Variants in CYTH3 observed in about 807,000 individuals in gnomAD.
CYTH3 encodes the protein cytohesin 3.
Under a neutral mutation model 55.1 loss-of-function variants are expected in CYTH3, and 23 were observed. That is an observed-to-expected ratio of 0.42 (90% CI 0.30 to 0.59). The LOEUF is 0.59. Among genes scored for constraint, CYTH3 ranks in the 20% least tolerant of loss-of-function variants. The pLI, the probability that CYTH3 is intolerant of heterozygous loss-of-function variation, is 0.20. For missense variants in CYTH3, 413 were observed against 524.8 expected (o/e 0.79, Z 2.08); for synonymous variants, 249 against 194.9 (o/e 1.28, Z -2.31).
rs919282058 is a variant in CYTH3, at chr7:6,255,765, T to G, written c.34+16709A>C. Among the ~76,000 whole-genome samples, 13 of 143,640 alleles carry G rather than the reference T, an allele frequency of 9.1e-5. No homozygotes were observed. The East Asian group carries it at 1.0e-3, about 11-fold the overall frequency. 94.2% of individuals were successfully genotyped at this position (143,640 alleles called of 152,430 possible). ...AAGTTTGACCTTTAATCTGTTTTTTTTTTTTTTTTTTTTTTTGAGATGGAA... is the reference window on the plus strand; with the variant it reads ...AAGTTTGACCTTTAATCTGTTTTTTGTTTTTTTTTTTTTTTTGAGATGGAA... On this transcript the variant is annotated intron_variant, in intron 1 of 12. Coordinates refer to ENST00000350796, the MANE Select transcript of CYTH3 (RefSeq NM_004227.4).
intron 1 of CYTH3, among the ~76,000 whole-genome samples, chr7:6,202,200 C>T (rs1005451065): frequency 3.9e-5 from 6 of 152,214 alleles, no homozygotes; most frequent in African/African-American, 1.4e-4. Context: ...CTGAGACCAC[C>T]ATGCCCTGGG....
At chr7:6,269,706 C>T (rs923832707) in intron 1 of CYTH3, among the ~76,000 whole-genome samples, 4 of 152,118 alleles carry the variant, frequency 2.6e-5, no homozygotes, top group Non-Finnish European at 2.9e-5. Flanking sequence ...TAATCTTGTG[C>T]CCCCCACTCG....
At chr7:6,186,018 G>A (rs1459625451) in intron 4 of CYTH3, among the ~76,000 whole-genome samples, 1 of 151,884 alleles carries the variant, frequency 6.6e-6, no homozygotes, top group Non-Finnish European at 1.5e-5. Context: ...GCCGAGGCGG[G>A]CGGATCATGA....
At chr7:6,182,031 G>A (rs976077130) in intron 4 of CYTH3, among the ~76,000 whole-genome samples, 1 of 151,578 alleles carries the variant, frequency 6.6e-6, no homozygotes, top group East Asian at 1.9e-4. Flanking sequence ...TTGTTTTTTT[G>A]CTTCTTCTGT....
At chr7:6,179,675 ACCACACACACCC>A (rs1783433620) in intron 4 of CYTH3, among the ~76,000 whole-genome samples, 1 of 55,364 alleles carries the variant, frequency 1.8e-5, no homozygotes, top group African/African-American at 9.8e-5. Flanking sequence ...CCACACACAC[ACCACACACACCC>A]CCCCACACAC....
In CYTH3 at chr7:6,272,602, C is replaced by G. The variant is rs1050020091; in HGVS notation, c.-95G>C. On this transcript the variant is annotated 5_prime_UTR_variant, in exon 1 of 13. Transcript: ENST00000350796. ...CGGAGGGAGCGCGCAGGCGACCGGG[C>G]GGCTCCTCAGCGCGCGGCCCGGGTC... is the stretch of plus-strand genomic sequence containing the variant. 1.0e-6 allele frequency: 1 copy of G among 995,992 alleles called. No individual in the cohort carries two copies. Among genetic ancestry groups the G allele is most frequent in the Non-Finnish European group, 1.2e-6 (1 of 816,202 alleles). 61.7% of individuals were successfully genotyped at this position (995,992 alleles called of 1,614,324 possible).
In CYTH3 at chr7:6,170,176, G is replaced by A. The variant is rs1168042528; in HGVS notation, c.823+359C>T. The A allele has an allele frequency of 1.3e-5, 3 of 232,436 alleles. No individual in the cohort carries two copies. The highest frequency in any genetic ancestry group is 1.5e-3 in the Middle Eastern group (1 of 646). 14.4% of individuals were successfully genotyped at this position (232,436 alleles called of 1,614,324 possible). ...ACAAGAAGGCACATTTAAACCACGCGTCAAAAATCACAGCCACACCAAACC... is the reference window on the plus strand; with the variant it reads ...ACAAGAAGGCACATTTAAACCACGCATCAAAAATCACAGCCACACCAAACC... On this transcript the variant is annotated intron_variant, in intron 9 of 12. Coordinates refer to ENST00000350796, the MANE Select transcript of CYTH3 (RefSeq NM_004227.4). The surrounding 1 kb of genome is among the most constrained non-coding windows in gnomAD (Gnocchi z 7.8).
chr7:6,260,677 T>G (rs1780331543), intron 1 of CYTH3, among the ~76,000 whole-genome samples: 1 of 152,174 alleles, frequency 6.6e-6, no homozygotes, highest in South Asian at 2.1e-4. Context: ...GATCGATCAC[T>G]CCTTCTCTCT....
rs559673853 is a variant in CYTH3 at position 6,224,347 on chromosome 7, C to T, written c.35-33816G>A. 3.3e-5 allele frequency among the ~76,000 whole-genome samples: 5 copies of T among 151,064 alleles called. No homozygotes were observed. In the South Asian group the frequency reaches 8.4e-4, roughly 25 times the overall value. On this transcript the variant is annotated intron_variant, in intron 1 of 12. Coordinates refer to ENST00000350796, the MANE Select transcript of CYTH3 (RefSeq NM_004227.4). ...AAAAAAAAAAAAAGATTGATGGAAC[C>T]GACTATAGAGCCTAAAAACAAAACC...
At position 6,170,546 on chromosome 7, in the gene CYTH3, A is replaced by T; in HGVS notation, c.812T>A (p.Leu271His). The change falls in exon 9 of 13, where the codon CTC becomes CAC. Residue 271 changes from leucine (L) to histidine (H), a missense_variant. Physicochemically the swap from Leu to His is moderately conservative, Grantham distance 99. Coordinates refer to ENST00000350796, the MANE Select transcript of CYTH3 (RefSeq NM_004227.4). The surrounding 1 kb of genome is among the most constrained non-coding windows in gnomAD (Gnocchi z 7.8). The stretch of plus-strand genomic sequence containing the variant: ...GGCCGGCGGCTCACCCAGCTTCAGG[A>T]GCCAGCCCTCGCGGTCGGGGTTGAA... Reference protein sequence around the residue: ...TFFNPDREGWLLKLGGRVKTW... With the variant: ...TFFNPDREGWHLKLGGRVKTW... The T allele has an allele frequency of 6.2e-7, 1 of 1,613,888 alleles. No individual in the cohort carries two copies. The highest frequency in any genetic ancestry group is 1.1e-5 in the South Asian group (1 of 91,076).
chr7:6,165,030 GAA>G lies in CYTH3; in HGVS notation c.1128-16_1128-15del. On this transcript the variant is annotated splice_polypyrimidine_tract_variant and intron_variant, in intron 12 of 12. Coordinates refer to ENST00000350796, the MANE Select transcript of CYTH3 (RefSeq NM_004227.4). ...CTGATACTGGCTCTGGTGAAAAAAG[GAA>G]AACACACAGGTTAGGTCGTGGGTGA... The G allele has an allele frequency of 1.2e-6, 2 of 1,614,164 alleles. No homozygotes were observed. Among genetic ancestry groups the G allele is most frequent in the Non-Finnish European group, 1.7e-6 (2 of 1,180,016 alleles).
chr7:6,239,243 G>C (rs1487001588), intron 1 of CYTH3, among the ~76,000 whole-genome samples: 1 of 152,096 alleles, frequency 6.6e-6, no homozygotes, highest in Non-Finnish European at 1.5e-5. Context: ...TTTGTTGAGA[G>C]GGGAGGGGAG....
chr7:6,216,861 GAAAA>G (rs71549612), intron 1 of CYTH3, among the ~76,000 whole-genome samples: 2 of 95,684 alleles, frequency 2.1e-5, no homozygotes, highest in Non-Finnish European at 4.8e-5. Context: ...AGCTGAACAG[GAAAA>G]AAAAAAAAAA....
In CYTH3 at chr7:6,167,622, C is replaced by T. The variant is rs1783052221; in HGVS notation, c.824-1812G>A. Among the ~76,000 whole-genome samples the T allele has an allele frequency of 6.6e-6, 1 of 152,256 alleles. No individual in the cohort carries two copies. Among genetic ancestry groups the T allele is most frequent in the South Asian group, 2.1e-4 (1 of 4,836 alleles). On this transcript the variant is annotated intron_variant, in intron 9 of 12. Coordinates refer to ENST00000350796, the MANE Select transcript of CYTH3 (RefSeq NM_004227.4). This position sits in a 1 kb window ranked among gnomAD's most constrained non-coding sequence, Gnocchi z 5.5. ...CCCCAAAGGGTCCCACTGCACTCAG[C>T]TTTAAACCCAACTCCTTGGGCGGCA...
chr7:6,213,635 A>C (rs1784368287), intron 1 of CYTH3, among the ~76,000 whole-genome samples: 1 of 152,052 alleles, frequency 6.6e-6, no homozygotes, highest in African/African-American at 2.4e-5. Flanking sequence ...GGCCTTGAGA[A>C]CCAATGGTCT....
intron 1 of CYTH3, among the ~76,000 whole-genome samples, chr7:6,242,359 A>AAGAGGGGCCTTCTTAAG (rs1204065855): frequency 7.0e-6 from 1 of 142,322 alleles, no homozygotes; most frequent in Non-Finnish European, 1.5e-5. Flanking sequence ...TACAGACATG[A>AAGAGGGGCCTTCTTAAG]GCCACCGCGC....
chr7:6,197,073 A>T (rs1281340954), intron 1 of CYTH3, among the ~76,000 whole-genome samples: 1 of 152,248 alleles, frequency 6.6e-6, no homozygotes, highest in Non-Finnish European at 1.5e-5. Flanking sequence ...GTACAAAGTG[A>T]ATCTAAACAC....
At chr7:6,251,624 A>G (rs983202675) in intron 1 of CYTH3, among the ~76,000 whole-genome samples, 2 of 152,222 alleles carry the variant, frequency 1.3e-5, no homozygotes, top group Middle Eastern at 3.2e-3. Context: ...CCACTGGTTT[A>G]TTATTTCCGT....
intron 1 of CYTH3, among the ~76,000 whole-genome samples, chr7:6,250,189 G>A (rs1319496987): frequency 6.6e-6 from 1 of 152,046 alleles, no homozygotes; most frequent in Non-Finnish European, 1.5e-5. Flanking sequence ...TCTGTTTCTT[G>A]AACCCACTAT....
Sources: allele counts gnomAD v4.1 joint callset (sites outside exome capture counted in the v4.1 genomes callset), GRCh38; gene constraint gnomAD v4.1.1; non-coding constraint Gnocchi (gnomAD v3.1); transcripts MANE v1.5; gene names NCBI Gene and HGNC (gene_info 2026-07-23, HGNC 2026-07-21).